Variants in ARHGEF12 observed in about 807,000 individuals in gnomAD.
The protein encoded by ARHGEF12 is KMT2A/ARHGEF12 fusion protein.
Under a neutral mutation model 211.2 loss-of-function variants are expected in ARHGEF12, and 66 were observed. The ratio of observed to expected loss-of-function variants is 0.31; its 90% CI spans 0.26 to 0.38. ARHGEF12 has a LOEUF of 0.38. Ranked by LOEUF, ARHGEF12 falls within the 10% of genes least tolerant of loss-of-function variation. ARHGEF12 has a pLI of 1.00. For synonymous variants in ARHGEF12, 592 were observed against 638.4 expected (o/e 0.93, Z 1.09); for missense variants, 1,429 against 1,869.5 (o/e 0.76, Z 4.34).
chr11:120,446,599 C>A, intron 17 of ARHGEF12, 91 bp downstream of exon 17: 1 of 935,034 alleles, frequency 1.1e-6, no homozygotes, highest in Non-Finnish European at 1.6e-6. Context: ...CTTAGCTTAG[C>A]ACTAGATAAA....
chr11:120,390,201 C>T (rs1037224144), intron 1 of ARHGEF12, among the ~76,000 whole-genome samples: 3 of 152,178 alleles, frequency 2.0e-5, no homozygotes, highest in African/African-American at 7.2e-5. Context: ...TTAGGGAAAT[C>T]CGTTTCCTGG....
At chr11:120,452,731 C>T (rs1037448158) in intron 22 of ARHGEF12, among the ~76,000 whole-genome samples, 2 of 152,150 alleles carry the variant, frequency 1.3e-5, no homozygotes, top group Non-Finnish European at 1.5e-5. Flanking sequence ...TGCAGTGGCT[C>T]ATGCCTGTAA....
rs768263258 is a variant in ARHGEF12, at chr11:120,446,425, T to A, written c.1368T>A (p.Ile456=). The A allele has an allele frequency of 1.9e-6, 3 of 1,612,988 alleles. No individual in the cohort carries two copies. In the East Asian group the frequency reaches 6.7e-5, roughly 36 times the overall value. ...AAGAAAAGAGAAGACCTGAGCTCAT[T>A]CCTGAGGATCTGCATCGCCACTATA... ...ADLEKRRPEL[I]PEDLHRHYIQ... The change falls in exon 17 of 41, where the codon ATT becomes ATA. Residue 456 remains isoleucine, a synonymous_variant. Coordinates refer to ENST00000397843, the MANE Select transcript of ARHGEF12 (RefSeq NM_015313.3).
chr11:120,430,820 A>G (rs1045652533), intron 10 of ARHGEF12, among the ~76,000 whole-genome samples: 1 of 152,216 alleles, frequency 6.6e-6, no homozygotes, highest in Non-Finnish European at 1.5e-5. Flanking sequence ...GCCATACAGT[A>G]TGTAAGGTCC....
At chr11:120,428,757 A>G (rs1048917201) in intron 8 of ARHGEF12, among the ~76,000 whole-genome samples, 43 of 152,212 alleles carry the variant, frequency 2.8e-4, no homozygotes, top group African/African-American at 9.2e-4. Flanking sequence ...TAGAAGAAGA[A>G]CAATAAATAG....
At position 120,348,938 on chromosome 11, in the gene ARHGEF12, A is replaced by G. The variant is rs76553408; in HGVS notation, c.32+11663A>G. 2.5e-3 allele frequency among the ~76,000 whole-genome samples: 388 copies of G among 152,360 alleles called. 1 individual carries two copies. Among genetic ancestry groups the G allele is most frequent in the African/African-American group, 8.8e-3 (365 of 41,580 alleles). ...GTGTTTAGACTTGGGTCCCATTCCC[A>G]AGATATCTTACTATGTATATGTAAA... On this transcript the variant is annotated intron_variant, in intron 1 of 40. Coordinates refer to ENST00000397843, the MANE Select transcript of ARHGEF12 (RefSeq NM_015313.3).
intron 1 of ARHGEF12, among the ~76,000 whole-genome samples, chr11:120,351,341 CAAAAAAAAAAA>C (rs35596601): frequency 1.6e-3 from 29 of 18,698 alleles, no homozygotes; most frequent in African/African-American, 6.8e-3. Context: ...GACTCCGTCT[CAAAAAAAAAAA>C]AAAAAAAAAA....
intron 1 of ARHGEF12, among the ~76,000 whole-genome samples, chr11:120,351,407 G>C (rs1288311179): frequency 8.1e-5 from 7 of 86,010 alleles, no homozygotes; most frequent in Non-Finnish European, 1.1e-4. Flanking sequence ...TGTAGGAAAG[G>C]AATATATATA....
intron 29 of ARHGEF12, among the ~76,000 whole-genome samples, chr11:120,467,678 C>G (rs998229418): frequency 5.4e-5 from 8 of 147,828 alleles, no homozygotes; most frequent in African/African-American, 2.0e-4. Context: ...TGGCCTCAAG[C>G]AGTCCTCCTG....
intron 11 of ARHGEF12, among the ~76,000 whole-genome samples, chr11:120,435,872 ATTG>A (rs1945679948): frequency 6.6e-6 from 1 of 152,128 alleles, no homozygotes; most frequent in Non-Finnish European, 1.5e-5. Context: ...GCCTAGATCC[ATTG>A]TTTAATTCAG....
At chr11:120,433,450 G>C (rs1483752589) in intron 11 of ARHGEF12, among the ~76,000 whole-genome samples, 2 of 152,140 alleles carry the variant, frequency 1.3e-5, no homozygotes, top group Admixed American at 6.5e-5. Context: ...TTTTAGTAAT[G>C]CGTCTCCTCG....
At chr11:120,418,137 A>G (rs553727090) in intron 4 of ARHGEF12, among the ~76,000 whole-genome samples, 33 of 152,350 alleles carry the variant, frequency 2.2e-4, no homozygotes, top group African/African-American at 6.7e-4. Flanking sequence ...ACAAATGACT[A>G]TGCATACTCA....
At chr11:120,471,631 T>C (rs1248383273) in intron 30 of ARHGEF12, among the ~76,000 whole-genome samples, 1 of 152,210 alleles carries the variant, frequency 6.6e-6, no homozygotes, top group Non-Finnish European at 1.5e-5. Context: ...TAAAAAGAAC[T>C]GTATGGATGT....
At chr11:120,418,315 G>A (rs1401426275) in intron 4 of ARHGEF12, among the ~76,000 whole-genome samples, 1 of 152,110 alleles carries the variant, frequency 6.6e-6, no homozygotes, top group East Asian at 1.9e-4. Flanking sequence ...GAGTCATGTA[G>A]TGTTTACTTT....
rs1286620382 is a variant in ARHGEF12, at chr11:120,473,085, C to T, written c.2991C>T (p.Ser997=). ...ATTATCAGCGTCGCCTTGATACCTC[C>T]AGCCTGAAGTTGTCAGAGTACCCAA... ...LEDYQRRLDT[S]SLKLSEYPNV... is the part of the protein sequence containing the mutation. The change falls in exon 31 of 41, where the codon TCC becomes TCT. Residue 997 remains serine (S), a synonymous_variant. Coordinates refer to ENST00000397843, the MANE Select transcript of ARHGEF12 (RefSeq NM_015313.3). 20 of 1,613,768 alleles carry T rather than the reference C, an allele frequency of 1.2e-5. No individual in the cohort carries two copies. Among genetic ancestry groups the T allele is most frequent in the Non-Finnish European group, 1.4e-5 (17 of 1,179,828 alleles).
At chr11:120,444,913 A>G (rs1004206080) in intron 15 of ARHGEF12, among the ~76,000 whole-genome samples, 5 of 152,164 alleles carry the variant, frequency 3.3e-5, no homozygotes, top group Non-Finnish European at 7.4e-5. Flanking sequence ...ATATTTTCTC[A>G]CTGGGAGTGT....
chr11:120,379,878 G>T (rs1943831425), intron 1 of ARHGEF12, among the ~76,000 whole-genome samples: 1 of 151,974 alleles, frequency 6.6e-6, no homozygotes, highest in Non-Finnish European at 1.5e-5. Flanking sequence ...TTTGATGATT[G>T]TTCTTGTTCC....
intron 4 of ARHGEF12, among the ~76,000 whole-genome samples, chr11:120,412,809 A>C (rs1944925369): frequency 6.6e-6 from 1 of 152,032 alleles, no homozygotes; most frequent in Non-Finnish European, 1.5e-5. Context: ...CCACTCACCT[A>C]GTCTTATATT....
chr11:120,457,801 A>C, intron 24 of ARHGEF12, 45 bp downstream of exon 24: 1 of 1,583,082 alleles, frequency 6.3e-7, no homozygotes, highest in Non-Finnish European at 8.6e-7. Flanking sequence ...CATTTTAAGA[A>C]ACGTAACCTT....
Sources: gnomAD v4.1 joint callset for allele counts (sites outside exome capture counted in the v4.1 genomes callset) on GRCh38, gnomAD v4.1.1 for gene constraint, MANE v1.5 for transcripts, NCBI Gene and HGNC (gene_info 2026-07-23, HGNC 2026-07-21) for gene names.